Variants in SCFD2 observed in about 807,000 individuals in gnomAD.
SCFD2 encodes sec1 family domain containing 2.
SCFD2 carries 54 observed loss-of-function variants against 58.9 expected under a neutral mutation model. The observed-to-expected ratio is 0.92, with a 90% CI of 0.74 to 1.15. The LOEUF is 1.15. SCFD2 is among the 50% of genes most tolerant of loss of function. SCFD2 has a pLI of 0.00. For synonymous variants in SCFD2, 321 were observed against 335.9 expected (o/e 0.96, Z 0.49); for missense variants, 805 against 836.6 (o/e 0.96, Z 0.47).
At chr4:53,363,148 T>C (rs12500226) in intron 1 of SCFD2, among the ~76,000 whole-genome samples, 2 of 119,058 alleles carry the variant, frequency 1.7e-5, no homozygotes, top group African/African-American at 2.9e-5. Context: ...TTTTTTTTTC[T>C]TTTTTGAGAC....
chr4:53,176,815 G>C (rs965100291), intron 4 of SCFD2, among the ~76,000 whole-genome samples: 9 of 152,086 alleles, frequency 5.9e-5, no homozygotes, highest in African/African-American at 2.2e-4. Flanking sequence ...TGGGTGTGGT[G>C]GTGGTTGCCT....
At chr4:52,881,533 G>C (rs1399590409) in intron 8 of SCFD2, among the ~76,000 whole-genome samples, 1 of 152,178 alleles carries the variant, frequency 6.6e-6, no homozygotes, top group Admixed American at 6.5e-5. Context: ...GACAATGCCT[G>C]GCACAGAGCA....
chr4:53,128,416 G>A (rs996806856), intron 5 of SCFD2, among the ~76,000 whole-genome samples: 5 of 152,212 alleles, frequency 3.3e-5, no homozygotes, highest in African/African-American at 9.6e-5. Context: ...AAAATTAAAG[G>A]CATGTACTCA....
At chr4:52,966,729 C>G (rs879575346) in intron 5 of SCFD2, among the ~76,000 whole-genome samples, 1 of 152,158 alleles carries the variant, frequency 6.6e-6, no homozygotes, top group African/African-American at 2.4e-5. Context: ...CGACATCTTA[C>G]ATAAGTCTGG....
At chr4:52,963,518 GT>G (rs1720898079) in intron 5 of SCFD2, among the ~76,000 whole-genome samples, 1 of 152,234 alleles carries the variant, frequency 6.6e-6, no homozygotes, top group East Asian at 1.9e-4. Flanking sequence ...TTAACTTGAT[GT>G]TTTGTTTTTA....
intron 4 of SCFD2, among the ~76,000 whole-genome samples, chr4:53,146,415 G>A (rs1277217811): frequency 6.6e-6 from 1 of 151,946 alleles, no homozygotes; most frequent in Admixed American, 6.6e-5. Context: ...AATCCTGTAA[G>A]ATAAAACTCT....
chr4:53,270,351 G>A (rs919242319), intron 4 of SCFD2, among the ~76,000 whole-genome samples: 12 of 151,898 alleles, frequency 7.9e-5, no homozygotes, highest in Non-Finnish European at 2.9e-5. Flanking sequence ...CTAGGATTAG[G>A]AAGAAACTTC....
intron 5 of SCFD2, among the ~76,000 whole-genome samples, chr4:53,098,919 C>A (rs537304389): frequency 7.2e-5 from 11 of 152,266 alleles, no homozygotes; most frequent in African/African-American, 2.6e-4. Flanking sequence ...ATTCTTCTAA[C>A]ATACTCTATC....
intron 2 of SCFD2, among the ~76,000 whole-genome samples, chr4:53,319,945 G>A (rs1732977927): frequency 6.6e-6 from 1 of 152,212 alleles, no homozygotes; most frequent in Non-Finnish European, 1.5e-5. Flanking sequence ...TCCACCACTG[G>A]AAGTGCCAAT....
chr4:53,193,589 T>G (rs999055372), intron 4 of SCFD2, among the ~76,000 whole-genome samples: 1 of 152,132 alleles, frequency 6.6e-6, no homozygotes, highest in Non-Finnish European at 1.5e-5. Context: ...AAATGTCTTC[T>G]CTGGAAACCT....
At chr4:53,353,376 C>T (rs754396027) in intron 1 of SCFD2, among the ~76,000 whole-genome samples, 1 of 152,290 alleles carries the variant, frequency 6.6e-6, no homozygotes. Flanking sequence ...AAGGCATGCA[C>T]GGACCCAAAC....
intron 5 of SCFD2, among the ~76,000 whole-genome samples, chr4:53,093,631 C>T (rs543426973): frequency 1.6e-4 from 25 of 152,020 alleles, no homozygotes; most frequent in Admixed American, 2.6e-4. Flanking sequence ...CAGAATACCA[C>T]GCAACCATAA....
chr4:52,972,375 G>A (rs190831480), intron 5 of SCFD2, among the ~76,000 whole-genome samples: 52 of 152,042 alleles, frequency 3.4e-4, no homozygotes, highest in African/African-American at 1.2e-3. Context: ...TCCTAGTCTC[G>A]GATAAAACAG....
At chr4:52,930,917 T>C (rs1719977168) in intron 5 of SCFD2, among the ~76,000 whole-genome samples, 1 of 152,206 alleles carries the variant, frequency 6.6e-6, no homozygotes, top group African/African-American at 2.4e-5. Flanking sequence ...TGTTCTATTA[T>C]CGGCTGTCAC....
chr4:52,907,065 C>T (rs557113623), intron 7 of SCFD2, among the ~76,000 whole-genome samples: 4 of 152,250 alleles, frequency 2.6e-5, no homozygotes, highest in East Asian at 1.9e-4. Context: ...TGAGCAGAGC[C>T]GCTCATCATC....
intron 7 of SCFD2, among the ~76,000 whole-genome samples, chr4:52,896,140 T>C (rs1256008063): frequency 2.0e-5 from 3 of 152,328 alleles, no homozygotes; most frequent in East Asian, 3.9e-4. Context: ...GTAGTTTCTT[T>C]TGCTGTGCAG....
intron 5 of SCFD2, among the ~76,000 whole-genome samples, chr4:52,996,960 G>A (rs966990803): frequency 6.6e-6 from 1 of 152,224 alleles, no homozygotes; most frequent in African/African-American, 2.4e-5. Context: ...TTGCATGTGT[G>A]CATCTAAAAT....
intron 5 of SCFD2, among the ~76,000 whole-genome samples, chr4:53,039,461 C>A (rs1408525539): frequency 6.6e-6 from 1 of 152,106 alleles, no homozygotes; most frequent in Non-Finnish European, 1.5e-5. Context: ...GTATTCAAGG[C>A]CCTCTGTAAT....
intron 4 of SCFD2, among the ~76,000 whole-genome samples, chr4:53,237,965 C>G (rs1379069827): frequency 7.9e-6 from 1 of 126,038 alleles, no homozygotes. Context: ...CTGACCCCCC[C>G]ACCTCCCTCC....
Sources: gnomAD v4.1 joint callset for allele counts (sites outside exome capture counted in the v4.1 genomes callset) on GRCh38, gnomAD v4.1.1 for gene constraint, MANE v1.5 for transcripts, NCBI Gene and HGNC (gene_info 2026-07-23, HGNC 2026-07-21) for gene names.